TANC2: variants seen among roughly 807,000 people sequenced by gnomAD.
TANC2 encodes tetratricopeptide repeat, ankyrin repeat and coiled-coil containing 2, also known as protein TANC2.
In TANC2, 26 loss-of-function variants were observed where a neutral mutation model predicts 210.5. The observed-to-expected ratio is 0.12, with a 90% CI of 0.09 to 0.17. The LOEUF (loss-of-function observed/expected upper bound fraction) is 0.17, where lower values mean the gene tolerates loss of function less well. Among genes scored for constraint, TANC2 ranks in the 10% least tolerant of loss-of-function variants. The probability of loss-of-function intolerance (pLI) is 1.00; values close to 1 mark genes in which losing one functional copy is unlikely to be tolerated. For missense variants in TANC2, 2,129 were observed against 2,608.9 expected (o/e 0.82, Z 4.01); for synonymous variants, 931 against 967.1 (o/e 0.96, Z 0.69).
chr17:63,263,609 C>A (rs78128253), intron 8 of TANC2, among the ~76,000 whole-genome samples: 184 of 151,700 alleles, frequency 1.2e-3, no homozygotes, highest in Middle Eastern at 3.4e-3. Context: ...ACCTTTTAAA[C>A]CAAAGAAAGC....
rs1011871728 is a variant in TANC2 at position 63,220,641 on chromosome 17, T to G, written c.770-17173T>G. Among the ~76,000 whole-genome samples the G allele has an allele frequency of 1.1e-3, 162 of 148,388 alleles. 1 individual carries two copies. The highest frequency in any genetic ancestry group is 3.7e-3 in the African/African-American group (150 of 40,264). On this transcript the variant is annotated intron_variant, in intron 7 of 27. Transcript: ENST00000689528. ...ATTGCTTCAACCCGTGAGGCGGAGG[T>G]TGCAGTGAGCTGAGATCGCGCCACT... is the stretch of plus-strand genomic sequence containing the variant.
chr17:63,117,717 G>A (rs577219881), intron 4 of TANC2, among the ~76,000 whole-genome samples: 1 of 152,066 alleles, frequency 6.6e-6, no homozygotes, highest in African/African-American at 2.4e-5. Flanking sequence ...GCTTTTCTAG[G>A]GGAAAAGACT....
chr17:63,427,541 C>G (rs1477082943), exon 28 of TANC2: 1 of 152,232 alleles, frequency 6.6e-6, no homozygotes, highest in African/African-American at 2.4e-5. Flanking sequence ...GCTGTACTTG[C>G]TTGAGCAGTT....
chr17:63,190,209 G>A (rs543851958), intron 5 of TANC2, among the ~76,000 whole-genome samples: 3 of 152,168 alleles, frequency 2.0e-5, no homozygotes, highest in Admixed American at 6.5e-5. Flanking sequence ...GCATGGCAGT[G>A]CATACCTGTA....
intron 17 of TANC2, among the ~76,000 whole-genome samples, chr17:63,391,948 A>G (rs1253908455): frequency 6.6e-6 from 1 of 152,094 alleles, no homozygotes; most frequent in East Asian, 1.9e-4. Flanking sequence ...GCTGGTCTTG[A>G]ACTCCTGACC....
intron 7 of TANC2, among the ~76,000 whole-genome samples, chr17:63,213,431 C>T (rs889656153): frequency 2.6e-5 from 4 of 152,188 alleles, no homozygotes; most frequent in African/African-American, 9.7e-5. Context: ...CATGTAACTC[C>T]AAGCTTCCAA....
intron 2 of TANC2, among the ~76,000 whole-genome samples, chr17:63,069,971 T>C (rs2036336761): frequency 6.6e-6 from 1 of 152,182 alleles, no homozygotes; most frequent in African/African-American, 2.4e-5. Context: ...AATAGAAACT[T>C]TTGCTGGGCT....
intron 4 of TANC2, among the ~76,000 whole-genome samples, chr17:63,102,458 C>G (rs1255581605): frequency 1.3e-5 from 2 of 148,518 alleles, no homozygotes; most frequent in South Asian, 4.3e-4. Context: ...ATTGTTTTTT[C>G]CTTTTTATTT....
At chr17:62,991,482 C>T (rs563953360) in intron 1 of TANC2, among the ~76,000 whole-genome samples, 2 of 151,446 alleles carry the variant, frequency 1.3e-5, no homozygotes, top group East Asian at 1.9e-4. Context: ...ACTAAAAATA[C>T]AAAAAAATTA....
rs368266187 is a variant in TANC2, at chr17:63,379,583, C to A, written c.2583-135C>A. The A allele has an allele frequency of 7.5e-6, 4 of 532,740 alleles. No homozygotes were observed. The South Asian group carries it at 1.3e-4, about 17-fold the overall frequency. 33.0% of individuals were successfully genotyped at this position (532,740 alleles called of 1,614,324 possible). ...ACTCAGGAGGCTGAGGGAGGAGAAT[C>A]ACTTAAACCCAAGAGGTGGAGGCTG... On this transcript the variant is annotated intron_variant, in intron 14 of 27. Coordinates refer to ENST00000689528, the Ensembl canonical transcript of TANC2.
chr17:63,034,726 G>A (rs1040694554), intron 2 of TANC2, among the ~76,000 whole-genome samples: 3 of 152,144 alleles, frequency 2.0e-5, no homozygotes, highest in African/African-American at 7.2e-5. Context: ...TTCATTGGAG[G>A]AAGTAACTGT....
chr17:63,183,458 A>T (rs2040862886), intron 5 of TANC2, among the ~76,000 whole-genome samples: 1 of 152,206 alleles, frequency 6.6e-6, no homozygotes. Flanking sequence ...TTGTGGATGA[A>T]TGCTAGCAAC....
chr17:63,301,500 G>A (rs148117286), intron 9 of TANC2, among the ~76,000 whole-genome samples: 2 of 152,262 alleles, frequency 1.3e-5, no homozygotes, highest in African/African-American at 4.8e-5. Flanking sequence ...TCCTGGTTCA[G>A]CCTTGGGAGG....
chr17:63,190,388 C>T (rs1388910512), intron 5 of TANC2, among the ~76,000 whole-genome samples: 1 of 152,124 alleles, frequency 6.6e-6, no homozygotes, highest in Non-Finnish European at 1.5e-5. Context: ...AGTATTATTT[C>T]TGGACTCTTT....
intron 9 of TANC2, among the ~76,000 whole-genome samples, chr17:63,304,484 G>T (rs1373027100): frequency 6.6e-6 from 1 of 152,154 alleles, no homozygotes. Context: ...ACCTCAAGGG[G>T]CACTGACCTG....
At chr17:63,415,723 G>A in intron 26 of TANC2, 49 bp downstream of exon 26, 4 of 1,589,406 alleles carry the variant, frequency 2.5e-6, no homozygotes, top group Non-Finnish European at 3.4e-6. Context: ...GTAGCTGATA[G>A]CCTGTGTCAC....
chr17:63,352,499 T>C (rs906660743), intron 13 of TANC2, among the ~76,000 whole-genome samples: 1 of 152,150 alleles, frequency 6.6e-6, no homozygotes, highest in African/African-American at 2.4e-5. Flanking sequence ...CTATCATTAT[T>C]AGTAGCTTGA....
intron 2 of TANC2, among the ~76,000 whole-genome samples, chr17:63,029,321 C>T (rs1215840387): frequency 2.6e-5 from 4 of 152,012 alleles, no homozygotes; most frequent in African/African-American, 9.7e-5. Context: ...GCTGCTTAGC[C>T]AGTAGTCTGT....
intron 2 of TANC2, among the ~76,000 whole-genome samples, chr17:63,051,782 T>C (rs2035591460): frequency 6.6e-6 from 1 of 152,170 alleles, no homozygotes; most frequent in Admixed American, 6.5e-5. Context: ...TATTAGAAGA[T>C]AGTGTTATAG....
Sources: gnomAD v4.1 joint callset for allele counts (sites outside exome capture counted in the v4.1 genomes callset) on GRCh38, gnomAD v4.1.1 for gene constraint, MANE v1.5 for transcripts, NCBI Gene and HGNC (gene_info 2026-07-23, HGNC 2026-07-21) for gene names.